CACNA1D: variants seen among roughly 807,000 people sequenced by gnomAD.
CACNA1D encodes the protein calcium voltage-gated channel subunit alpha1 D.
CACNA1D carries 55 observed loss-of-function variants against 257.1 expected under a neutral mutation model. The ratio of observed to expected loss-of-function variants is 0.21; its 90% CI spans 0.17 to 0.27. The LOEUF (loss-of-function observed/expected upper bound fraction) is 0.27, where lower values mean the gene tolerates loss of function less well. CACNA1D is among the 10% of genes least tolerant of loss of function. CACNA1D has a pLI of 1.00. For synonymous variants in CACNA1D, 980 were observed against 1,014.9 expected (o/e 0.97, Z 0.65); for missense variants, 1,876 against 2,784.0 (o/e 0.67, Z 7.34).
chr3:53,660,082 C>T (rs372613780), intron 4 of CACNA1D, 51 bp from the exon 5 acceptor site: 38 of 1,535,214 alleles, frequency 2.5e-5, no homozygotes, highest in Non-Finnish European at 3.0e-5. Context: ...TCCTGTTTTG[C>T]GTCCCTGGGG....
At chr3:53,581,454 A>G (rs1386397449) in intron 3 of CACNA1D, among the ~76,000 whole-genome samples, 1 of 152,190 alleles carries the variant, frequency 6.6e-6, no homozygotes, top group African/African-American at 2.4e-5. Context: ...ACACACAAAG[A>G]CACGGTATTA....
intron 46 of CACNA1D, chr3:53,809,302 C>T (rs990565884): frequency 1.8e-5 from 3 of 167,946 alleles, no homozygotes; most frequent in South Asian, 3.1e-4. Flanking sequence ...AGGGTGGGGC[C>T]GGAGCCCACT....
At chr3:53,749,592 G>A (rs2095206553) in intron 27 of CACNA1D, 123 bp downstream of exon 27, 4 of 744,004 alleles carry the variant, frequency 5.4e-6, no homozygotes, top group South Asian at 2.9e-5. Context: ...TGGGGCTAGG[G>A]CCCTGTTCTA....
At chr3:53,577,370 C>G (rs2093055834) in intron 3 of CACNA1D, among the ~76,000 whole-genome samples, 1 of 152,142 alleles carries the variant, frequency 6.6e-6, no homozygotes, top group African/African-American at 2.4e-5. Flanking sequence ...CAGGGGTTGT[C>G]TCTGTTTGGC....
chr3:53,743,112 G>T lies in CACNA1D; in HGVS notation c.2913G>T (p.Gly971=). ...LVVGVSLVSF[G]IQSSAISVVK... ...TTGGGGTGTCTCTGGTGTCATTTGG[G>T]ATTCAGTAAGTATTCTGGGGTGTGT... The change falls in exon 22 of 48, where the codon GGG becomes GGT. Residue 971 remains glycine (G), a synonymous_variant. Coordinates refer to ENST00000350061, the MANE Select transcript of CACNA1D (RefSeq NM_001128840.3). 1 of 1,603,514 alleles carries T rather than the reference G, an allele frequency of 6.2e-7. No homozygotes were observed. Among genetic ancestry groups the T allele is most frequent in the Non-Finnish European group, 8.5e-7 (1 of 1,170,250 alleles).
Position 53,801,419 on chromosome 3 carries a change from T to G in CACNA1D, c.5402T>G (p.Val1801Gly), listed in dbSNP as rs757029372. 5.0e-6 allele frequency: 8 copies of G among 1,613,972 alleles called. No individual in the cohort carries two copies. Reference sequence around the variant, plus strand: ...CGGGAGCCTCAGAGAAGGTCCAGTGTGAAAAGGTAACCTTGACAATGTGTT... The same window carrying G: ...CGGGAGCCTCAGAGAAGGTCCAGTGGGAAAAGGTAACCTTGACAATGTGTT... ...HDREPQRRSSVKRTRYYETYI... is the reference protein window; with the variant it reads ...HDREPQRRSSGKRTRYYETYI... Residue 1801 changes from valine to glycine, a missense_variant, in exon 42 of 48, where the codon GTG (valine) becomes GGG (glycine). By Grantham distance (109) the Val-to-Gly change is moderately radical. This residue lies in a region of CACNA1D where 491 missense variants were observed against 554.3 expected (regional missense o/e 0.89). Transcript: ENST00000350061.
chr3:53,667,033 T>A (rs1341727977), intron 7 of CACNA1D, among the ~76,000 whole-genome samples: 2 of 152,188 alleles, frequency 1.3e-5, no homozygotes, highest in African/African-American at 4.8e-5. Context: ...TTAAACCCAG[T>A]GTGAGTTTCT....
intron 8 of CACNA1D, among the ~76,000 whole-genome samples, chr3:53,676,726 A>G (rs2094380679): frequency 6.6e-6 from 1 of 152,186 alleles, no homozygotes; most frequent in African/African-American, 2.4e-5. Flanking sequence ...TAATCTGCAC[A>G]TTGGATTTGG....
In CACNA1D at chr3:53,791,475, A is replaced by T. The variant is rs2095482589; in HGVS notation, c.4923+4523A>T. 5.8e-5 allele frequency: 9 copies of T among 156,458 alleles called. No homozygotes were observed. In the South Asian group the frequency reaches 1.7e-3, roughly 30 times the overall value. The allele number at this position is 156,458 out of a possible 1,614,324, so 9.7% of individuals were successfully genotyped here. On this transcript the variant is annotated intron_variant, in intron 40 of 47. Coordinates refer to ENST00000350061, the MANE Select transcript of CACNA1D (RefSeq NM_001128840.3). ...AAGGTGGGTATCTGACTCCATTCCA[A>T]AGTCCTGCATCCCTAGTTTGCCCGA... is the stretch of plus-strand genomic sequence containing the variant.
chr3:53,586,894 C>T (rs895490486), intron 3 of CACNA1D, among the ~76,000 whole-genome samples: 6 of 152,118 alleles, frequency 3.9e-5, no homozygotes, highest in Admixed American at 6.5e-5. Flanking sequence ...AAATAAGAGA[C>T]GCTGGGGGGG....
intron 9 of CACNA1D, among the ~76,000 whole-genome samples, chr3:53,716,833 A>T (rs2094824100): frequency 6.6e-6 from 1 of 152,104 alleles, no homozygotes; most frequent in African/African-American, 2.4e-5. Flanking sequence ...CGGATCAGGG[A>T]TCTTCTTTGG....
At chr3:53,680,707 C>T (rs2094422096) in intron 8 of CACNA1D, among the ~76,000 whole-genome samples, 1 of 152,150 alleles carries the variant, frequency 6.6e-6, no homozygotes, top group Non-Finnish European at 1.5e-5. Flanking sequence ...CAATTGGAGG[C>T]ATTAACAATT....
chr3:53,747,517 G>A lies in CACNA1D; in HGVS notation c.3314+69G>A, dbSNP rs72556356. ...GCCCAGGGCTGAGCCCTCCCTCCTG[G>A]AGTCAGTCCCATTTCTGTTCTCCAG... On this transcript the variant is annotated intron_variant, in intron 26 of 47. Coordinates refer to ENST00000350061, the MANE Select transcript of CACNA1D (RefSeq NM_001128840.3). 7.3e-5 allele frequency: 109 copies of A among 1,493,498 alleles called. No homozygotes were observed. In the African/African-American group the frequency reaches 1.3e-3, roughly 18 times the overall value. The allele number at this position is 1,493,498 out of a possible 1,614,324, so 92.5% of individuals were successfully genotyped here. A position where few individuals can be genotyped will look rare whatever the true frequency, so the allele number is the denominator to read the frequency against.
At chr3:53,563,520 C>T (rs1346593951) in intron 3 of CACNA1D, among the ~76,000 whole-genome samples, 2 of 118,938 alleles carry the variant, frequency 1.7e-5, no homozygotes, top group Admixed American at 1.0e-4. Context: ...TGGGTGAGGG[C>T]GAGACTCTGT....
chr3:53,809,590 A>G (rs139436908), intron 46 of CACNA1D: 25 of 301,734 alleles, frequency 8.3e-5, no homozygotes, highest in African/African-American at 3.6e-4. Context: ...CTGTTTTCCT[A>G]TAAGTGCTGG....
At chr3:53,632,590 G>A (rs1375550341) in intron 3 of CACNA1D, among the ~76,000 whole-genome samples, 1 of 152,256 alleles carries the variant, frequency 6.6e-6, no homozygotes, top group Non-Finnish European at 1.5e-5. Context: ...TCTCTGCTTT[G>A]AACATGCCTC....
intron 9 of CACNA1D, chr3:53,710,277 C>T (rs1576424184): frequency 9.7e-6 from 4 of 413,240 alleles, no homozygotes; most frequent in African/African-American, 2.0e-5. Flanking sequence ...CTGGGGCAGG[C>T]GGGCGTCCAT....
chr3:53,710,362 T>C (rs1364868175), intron 9 of CACNA1D: 1 of 454,418 alleles, frequency 2.2e-6, no homozygotes, highest in Non-Finnish European at 4.4e-6. Flanking sequence ...CCTCTGCTGC[T>C]TCATAATGAA....
At chr3:53,672,808 GTGTGTGTGTGTA>G (rs1251722812) in intron 7 of CACNA1D, among the ~76,000 whole-genome samples, 60 of 130,290 alleles carry the variant, frequency 4.6e-4, no homozygotes, top group African/African-American at 1.4e-3. Flanking sequence ...GTGTGTGTGT[GTGTGTGTGTGTA>G]TGGATGCTTG....
Sources: allele counts gnomAD v4.1 joint callset (sites outside exome capture counted in the v4.1 genomes callset), GRCh38; gene constraint gnomAD v4.1.1; regional missense constraint gnomAD v4.1.1; transcripts MANE v1.5; gene names NCBI Gene and HGNC (gene_info 2026-07-23, HGNC 2026-07-21).